The following ZNF423 variants were observed in gnomAD, a reference collection of about 807,000 sequenced individuals.
The protein encoded by ZNF423 is Ebf-associated zinc finger protein.
A neutral mutation model predicts 95.8 loss-of-function variants in ZNF423; 12 were observed. The observed-to-expected ratio is 0.13, with a 90% confidence interval of 0.08 to 0.20. The LOEUF is 0.20. ZNF423 is among the 10% of genes least tolerant of loss of function. The pLI is 1.00. For synonymous variants in ZNF423, 749 were observed against 711.9 expected, an observed-to-expected ratio of 1.05 and a Z score of -0.83; for missense variants, 1,316 against 1,737.1, an observed-to-expected ratio of 0.76 and a Z score of 4.31.
At chr16:49,538,451 C>A (rs1012416755) in intron 5 of ZNF423, among the ~76,000 whole-genome samples, 1 of 152,182 alleles carries the variant, frequency 6.6e-6, no homozygotes, top group Non-Finnish European at 1.5e-5. Flanking sequence ...CCTGGCCCCA[C>A]CTCATCATGA....
intron 3 of ZNF423, among the ~76,000 whole-genome samples, chr16:49,704,346 G>T (rs2032285797): frequency 6.6e-6 from 1 of 152,068 alleles, no homozygotes; most frequent in African/African-American, 2.4e-5. Flanking sequence ...CCCTCCTCTG[G>T]GTCCCTCAGT....
intron 2 of ZNF423, among the ~76,000 whole-genome samples, chr16:49,786,128 C>T (rs1001889517): frequency 2.6e-5 from 4 of 152,206 alleles, no homozygotes; most frequent in Non-Finnish European, 5.9e-5. Flanking sequence ...TGGGCCTGCG[C>T]ACTCCGCTCC....
chr16:49,743,938 C>A (rs1440744420), intron 2 of ZNF423, among the ~76,000 whole-genome samples: 1 of 152,190 alleles, frequency 6.6e-6, no homozygotes, highest in Non-Finnish European at 1.5e-5. Context: ...CTTTCCCGTG[C>A]TATCCCACCC....
At chr16:49,549,493 C>T (rs907348171) in intron 5 of ZNF423, among the ~76,000 whole-genome samples, 3 of 152,288 alleles carry the variant, frequency 2.0e-5, no homozygotes, top group South Asian at 2.1e-4. Context: ...GCCCAAAGAA[C>T]GGAGGCACAG....
intron 1 of ZNF423, among the ~76,000 whole-genome samples, chr16:49,823,554 C>A (rs1157762808): frequency 6.6e-6 from 1 of 152,008 alleles, no homozygotes; most frequent in Admixed American, 6.6e-5. Flanking sequence ...GAAGGAGATT[C>A]TTGCTTGAGA....
chr16:49,567,368 C>T (rs1970225375), intron 5 of ZNF423, among the ~76,000 whole-genome samples: 1 of 152,222 alleles, frequency 6.6e-6, no homozygotes, highest in South Asian at 2.1e-4. Context: ...TGCGATGCTC[C>T]CATGATGCTG....
intron 3 of ZNF423, among the ~76,000 whole-genome samples, chr16:49,654,419 G>C (rs565388130): frequency 3.2e-4 from 49 of 152,344 alleles, no homozygotes; most frequent in African/African-American, 1.2e-3. Flanking sequence ...ATACGTCCTG[G>C]GGGGCGTAGA....
chr16:49,559,672 G>A (rs886599203), intron 5 of ZNF423, among the ~76,000 whole-genome samples: 10 of 152,152 alleles, frequency 6.6e-5, no homozygotes, highest in Admixed American at 6.5e-4. Context: ...TTGGACCTTC[G>A]CCAAGCTCCA....
intron 3 of ZNF423, among the ~76,000 whole-genome samples, chr16:49,678,437 A>G (rs1001428442): frequency 6.6e-6 from 1 of 152,200 alleles, no homozygotes. Flanking sequence ...GCAAAACAGC[A>G]GAGAATATCA....
At chr16:49,609,484 T>C (rs1184681860) in intron 5 of ZNF423, among the ~76,000 whole-genome samples, 2 of 150,996 alleles carry the variant, frequency 1.3e-5, no homozygotes, top group Non-Finnish European at 3.0e-5. Context: ...TTGAAACAAG[T>C]GGAAAAAAAA....
chr16:49,493,814 T>C (rs1436436922), intron 7 of ZNF423, among the ~76,000 whole-genome samples: 4 of 152,056 alleles, frequency 2.6e-5, no homozygotes, highest in Admixed American at 2.6e-4. Flanking sequence ...GTGTGGAGCC[T>C]AGAATCCAAG....
chr16:49,560,673 G>T (rs1253872927), intron 5 of ZNF423, among the ~76,000 whole-genome samples: 1 of 152,174 alleles, frequency 6.6e-6, no homozygotes, highest in East Asian at 1.9e-4. Flanking sequence ...TATGAAAGTG[G>T]AACGGAACTC....
In ZNF423 at chr16:49,823,404, G is replaced by A. The variant is rs143240449; in HGVS notation, c.40+32331C>T. Among the ~76,000 whole-genome samples, 50 of 152,244 alleles carry A rather than the reference G, an allele frequency of 3.3e-4. 1 individual carries two copies. Among genetic ancestry groups the A allele is most frequent in the African/African-American group, 1.1e-3 (47 of 41,536 alleles). ...CACAGCTGTGCAGAAAAAAACGAGT[G>A]TTAATGCTGCATCACAGGCAAGGAA... On this transcript the variant is annotated intron_variant, in intron 1 of 7. Transcript: ENST00000563137.
At chr16:49,766,205 A>G (rs1207907269) in intron 2 of ZNF423, among the ~76,000 whole-genome samples, 2 of 152,258 alleles carry the variant, frequency 1.3e-5, no homozygotes, top group Non-Finnish European at 2.9e-5. Flanking sequence ...ATATTAACAT[A>G]GGACCAAATG....
chr16:49,810,057 G>A (rs573244430), intron 1 of ZNF423, among the ~76,000 whole-genome samples: 2 of 152,140 alleles, frequency 1.3e-5, no homozygotes, highest in Non-Finnish European at 2.9e-5. Flanking sequence ...TTGGCCTGGG[G>A]ATATGCACAC....
intron 5 of ZNF423, among the ~76,000 whole-genome samples, chr16:49,568,399 G>A (rs1290371484): frequency 1.3e-5 from 2 of 152,080 alleles, no homozygotes; most frequent in Non-Finnish European, 2.9e-5. Flanking sequence ...GCAGGGCTGG[G>A]CCTGTTGCAC....
In ZNF423 at chr16:49,639,002, G is replaced by A. The variant is rs1381455523; in HGVS notation, c.302-128C>T. The A allele has an allele frequency of 3.5e-6, 5 of 1,442,052 alleles. No individual in the cohort carries two copies. In the African/African-American group the frequency reaches 5.7e-5, roughly 17 times the overall value. The allele number at this position is 1,442,052 out of a possible 1,614,324, so 89.3% of individuals were successfully genotyped here. A position where few individuals can be genotyped will look rare whatever the true frequency, so the allele number is the denominator to read the frequency against. ...CTGGCCAACGGCTGCAGGGGGCTGT[G>A]GGGAGGGGCAGGGGCCGGAAGCAAG... On this transcript the variant is annotated intron_variant, in intron 3 of 7. Transcript: ENST00000563137.
chr16:49,634,727 G>A (rs1483306742), intron 4 of ZNF423, among the ~76,000 whole-genome samples: 1 of 152,134 alleles, frequency 6.6e-6, no homozygotes, highest in African/African-American at 2.4e-5. Flanking sequence ...AGACAACACA[G>A]ACTCAATGGG....
chr16:49,845,035 C>CAAAAAAAAAAAAA (rs71138011), intron 1 of ZNF423, among the ~76,000 whole-genome samples: 5 of 63,518 alleles, frequency 7.9e-5, no homozygotes, highest in African/African-American at 1.6e-4. Flanking sequence ...AACTCCATCT[C>CAAAAAAAAAAAAA]AAAAAAAAAA....
Sources: gnomAD v4.1 joint callset for allele counts (sites outside exome capture counted in the v4.1 genomes callset) on GRCh38, gnomAD v4.1.1 for gene constraint, MANE v1.5 for transcripts, NCBI Gene and HGNC (gene_info 2026-07-23, HGNC 2026-07-21) for gene names.